The following PCNX1 variants were observed in gnomAD, a reference collection of about 807,000 sequenced individuals.
PCNX1 encodes pecanex 1.
A neutral mutation model predicts 242.2 loss-of-function variants in PCNX1; 78 were observed. The observed-to-expected ratio is 0.32, with a 90% CI of 0.27 to 0.39. The LOEUF is 0.39. Ranked by LOEUF, PCNX1 falls within the 10% of genes least tolerant of loss-of-function variation. The pLI is 1.00. For synonymous variants in PCNX1, 1,024 were observed against 1,032.9 expected, an observed-to-expected ratio of 0.99 and a Z score of 0.17; for missense variants, 2,581 against 2,856.5, an observed-to-expected ratio of 0.90 and a Z score of 2.20.
intron 19 of PCNX1, among the ~76,000 whole-genome samples, chr14:71,038,512 A>G (rs1430553112): frequency 6.6e-6 from 1 of 152,040 alleles, no homozygotes; most frequent in Non-Finnish European, 1.5e-5. Context: ...ATGCAAATCA[A>G]AACCACAATG....
At position 71,114,889 on chromosome 14, in the gene PCNX1, T is replaced by C. The variant is rs541014494; in HGVS notation, c.*4954T>C. ...ACTCTTGGGTTTAGTGTACTTGTGA[T>C]TGAACAAGATTTTTTATCTATGAAG... On this transcript the variant is annotated 3_prime_UTR_variant, in exon 36 of 36. Transcript: ENST00000304743. 1 of 129,080 alleles carries C rather than the reference T, an allele frequency of 7.7e-6. No individual in the cohort carries two copies. Among genetic ancestry groups the C allele is most frequent in the African/African-American group, 2.8e-5 (1 of 35,232 alleles). 8.0% of individuals were successfully genotyped at this position (129,080 alleles called of 1,614,324 possible).
chr14:71,063,243 T>C (rs1359048987), intron 26 of PCNX1, among the ~76,000 whole-genome samples: 1 of 152,208 alleles, frequency 6.6e-6, no homozygotes, highest in Non-Finnish European at 1.5e-5. Context: ...ACATTCTCTG[T>C]TGCATATTCT....
intron 9 of PCNX1, among the ~76,000 whole-genome samples, chr14:71,010,373 A>G (rs1306992984): frequency 1.3e-5 from 2 of 152,036 alleles, no homozygotes; most frequent in African/African-American, 4.8e-5. Context: ...ATGTAATTTT[A>G]AAATTTTATT....
chr14:70,967,086 T>C (rs985099586), intron 3 of PCNX1, among the ~76,000 whole-genome samples: 10 of 152,222 alleles, frequency 6.6e-5, no homozygotes, highest in Non-Finnish European at 1.0e-4. Flanking sequence ...GTATGCATAT[T>C]TTTATTTACT....
intron 26 of PCNX1, among the ~76,000 whole-genome samples, chr14:71,066,210 GC>G: frequency 6.6e-6 from 1 of 152,280 alleles, no homozygotes; most frequent in East Asian, 1.9e-4. Context: ...GGGCAGTATG[GC>G]CATTTTCACA....
chr14:70,908,228 C>T (rs1167876262), intron 1 of PCNX1, among the ~76,000 whole-genome samples: 3 of 152,164 alleles, frequency 2.0e-5, no homozygotes, highest in Admixed American at 6.5e-5. Flanking sequence ...GCGCCGGCCG[C>T]CCCCGCCCGC....
At chr14:70,962,397 G>C in intron 3 of PCNX1, 66 bp downstream of exon 3, 1 of 812,306 alleles carries the variant, frequency 1.2e-6, no homozygotes, top group Non-Finnish European at 2.2e-6. Flanking sequence ...CGTTATTCTC[G>C]TGTCTTTAAG....
At chr14:71,060,727 A>C (rs1474125538) in intron 26 of PCNX1, 1 of 152,226 alleles carries the variant, frequency 6.6e-6, no homozygotes, top group Non-Finnish European at 1.5e-5. Context: ...TGCTTCATTG[A>C]AGACAAAAAG....
intron 11 of PCNX1, among the ~76,000 whole-genome samples, chr14:71,017,487 T>C (rs1449072921): frequency 1.3e-5 from 2 of 152,236 alleles, no homozygotes; most frequent in Non-Finnish European, 2.9e-5. Flanking sequence ...AGCCTTACCT[T>C]GTGCCATATT....
At chr14:70,950,038 T>TA in intron 2 of PCNX1, among the ~76,000 whole-genome samples, 1 of 152,338 alleles carries the variant, frequency 6.6e-6, no homozygotes, top group East Asian at 1.9e-4. Flanking sequence ...ACTCCTCTCT[T>TA]AAGACAGGTG....
chr14:71,038,791 T>C (rs2060621060), intron 19 of PCNX1, among the ~76,000 whole-genome samples: 1 of 151,932 alleles, frequency 6.6e-6, no homozygotes, highest in Non-Finnish European at 1.5e-5. Context: ...ATTGTGGCAT[T>C]ATTCACAATA....
At chr14:70,997,413 A>G (rs570825919) in intron 8 of PCNX1, among the ~76,000 whole-genome samples, 1 of 152,274 alleles carries the variant, frequency 6.6e-6, no homozygotes, top group Non-Finnish European at 1.5e-5. Context: ...ATTGTCCTCC[A>G]TAAGAATTCT....
intron 33 of PCNX1, among the ~76,000 whole-genome samples, chr14:71,108,357 C>T (rs1187006994): frequency 3.3e-5 from 5 of 152,182 alleles, no homozygotes. Flanking sequence ...AATTGTCTTT[C>T]ATATGCCACA....
At chr14:70,936,295 G>A (rs568501640) in intron 1 of PCNX1, among the ~76,000 whole-genome samples, 4 of 67,746 alleles carry the variant, frequency 5.9e-5, no homozygotes, top group Non-Finnish European at 1.2e-4. Context: ...CCCACCCCAC[G>A]ACAGGCCCTG....
intron 26 of PCNX1, among the ~76,000 whole-genome samples, chr14:71,058,078 G>T (rs1388258437): frequency 1.3e-5 from 2 of 152,178 alleles, no homozygotes; most frequent in African/African-American, 2.4e-5. Flanking sequence ...CTGAATTTTT[G>T]TGTGAGGCAG....
At chr14:71,086,864 T>G (rs1018337176) in intron 28 of PCNX1, among the ~76,000 whole-genome samples, 11 of 152,306 alleles carry the variant, frequency 7.2e-5, no homozygotes, top group African/African-American at 2.6e-4. Context: ...GTTTCCTGTC[T>G]CTCAGGGACC....
At chr14:71,038,344 C>T (rs1334757870) in intron 19 of PCNX1, among the ~76,000 whole-genome samples, 2 of 125,668 alleles carry the variant, frequency 1.6e-5, no homozygotes, top group Non-Finnish European at 3.3e-5. Flanking sequence ...GGGCTAATAT[C>T]CAGAATCTAC....
chr14:70,985,641 C>T (rs1170963509), intron 6 of PCNX1, among the ~76,000 whole-genome samples: 5 of 152,098 alleles, frequency 3.3e-5, no homozygotes, highest in Admixed American at 3.3e-4. Context: ...TGGATATATA[C>T]CCTTGGAAGT....
Position 71,068,591 on chromosome 14 carries a change from C to CATGT in PCNX1, c.4853-4954_4853-4953insATGT, listed in dbSNP as rs375921556. Among the ~76,000 whole-genome samples, 173 of 124,024 alleles carry CATGT rather than the reference C, an allele frequency of 1.4e-3. 3 individuals carry two copies. In the East Asian group the frequency reaches 0.025, roughly 18 times the overall value. 81.4% of individuals were successfully genotyped at this position (124,024 alleles called of 152,430 possible). A position where few individuals can be genotyped will look rare whatever the true frequency, so the allele number is the denominator to read the frequency against. ...GACTTTTTAGGTTTGTATGTACGTG[C>CATGT]GTGTGTGTGTGTGTGTGTGTGTGTG... On this transcript the variant is annotated intron_variant, in intron 26 of 35. Coordinates refer to ENST00000304743, the MANE Select transcript of PCNX1 (RefSeq NM_014982.3).
Sources: allele counts gnomAD v4.1 joint callset (sites outside exome capture counted in the v4.1 genomes callset), GRCh38; gene constraint gnomAD v4.1.1; transcripts MANE v1.5; gene names NCBI Gene and HGNC (gene_info 2026-07-23, HGNC 2026-07-21).